Variants in CSGALNACT1 observed in about 807,000 individuals in gnomAD.
The protein encoded by CSGALNACT1 is chondroitin sulfate N-acetylgalactosaminyltransferase 1.
Under a neutral mutation model 51.0 loss-of-function variants are expected in CSGALNACT1, and 52 were observed. The observed-to-expected ratio is 1.02, with a 90% CI of 0.82 to 1.29. The LOEUF is 1.29. Ranked by LOEUF, CSGALNACT1 falls within the 50% of genes most tolerant of loss-of-function variation. The pLI, the probability that CSGALNACT1 is intolerant of heterozygous loss-of-function variation, is 0.00. For missense variants in CSGALNACT1, 935 were observed against 679.2 expected (o/e 1.38, Z -4.19); for synonymous variants, 341 against 254.4 (o/e 1.34, Z -3.24).
intron 1 of CSGALNACT1, among the ~76,000 whole-genome samples, chr8:19,671,817 T>C (rs2059815690): frequency 6.6e-6 from 1 of 152,142 alleles, no homozygotes; most frequent in Non-Finnish European, 1.5e-5. Context: ...GATCCTACTG[T>C]TTTATTGGCT....
intron 5 of CSGALNACT1, among the ~76,000 whole-genome samples, chr8:19,449,181 T>G (rs2062648206): frequency 6.6e-6 from 1 of 152,172 alleles, no homozygotes; most frequent in South Asian, 2.1e-4. Flanking sequence ...TTTTTTACTC[T>G]TGGATGGATG....
At chr8:19,503,547 C>G (rs375979486) in intron 4 of CSGALNACT1, among the ~76,000 whole-genome samples, 1 of 151,824 alleles carries the variant, frequency 6.6e-6, no homozygotes, top group Non-Finnish European at 1.5e-5. Flanking sequence ...TGTAGCACAC[C>G]CCAGGGAGAG....
chr8:19,692,386 C>G (rs898112472), intron 1 of CSGALNACT1, among the ~76,000 whole-genome samples: 2 of 152,152 alleles, frequency 1.3e-5, no homozygotes, highest in African/African-American at 4.8e-5. Flanking sequence ...AGCATAGTTA[C>G]CATTGTAACA....
intron 1 of CSGALNACT1, among the ~76,000 whole-genome samples, chr8:19,742,811 A>G (rs2064396410): frequency 6.6e-6 from 1 of 152,200 alleles, no homozygotes; most frequent in Non-Finnish European, 1.5e-5. Flanking sequence ...TCCAAATGTC[A>G]TCGTCTATCA....
At chr8:19,541,246 ATTTTTT>A (rs34749639) in intron 3 of CSGALNACT1, among the ~76,000 whole-genome samples, 2 of 111,320 alleles carry the variant, frequency 1.8e-5, no homozygotes, top group African/African-American at 3.7e-5. Flanking sequence ...AACTTGGCTA[ATTTTTT>A]TTTTTTTTTT....
intron 4 of CSGALNACT1, among the ~76,000 whole-genome samples, chr8:19,470,164 A>G (rs922242345): frequency 1.3e-5 from 2 of 152,198 alleles, no homozygotes; most frequent in African/African-American, 4.8e-5. Context: ...ACTTGGTATC[A>G]GACAAAGAAG....
At chr8:19,680,245 A>G (rs2060495587) in intron 1 of CSGALNACT1, among the ~76,000 whole-genome samples, 1 of 152,212 alleles carries the variant, frequency 6.6e-6, no homozygotes, top group Non-Finnish European at 1.5e-5. Flanking sequence ...AAAATTAAAA[A>G]GACAAAAATT....
intron 1 of CSGALNACT1, among the ~76,000 whole-genome samples, chr8:19,609,268 T>C (rs976584988): frequency 8.6e-5 from 13 of 150,446 alleles, no homozygotes; most frequent in Non-Finnish European, 1.2e-4. Flanking sequence ...CTTATAGATG[T>C]CATTTAAAAA....
intron 1 of CSGALNACT1, among the ~76,000 whole-genome samples, chr8:19,671,979 T>C (rs970662969): frequency 1.3e-5 from 2 of 152,226 alleles, no homozygotes; most frequent in Admixed American, 6.5e-5. Flanking sequence ...AGTTAGATGT[T>C]TTTTAAAAAA....
intron 5 of CSGALNACT1, among the ~76,000 whole-genome samples, chr8:19,440,198 C>A (rs1345006194): frequency 6.6e-6 from 1 of 152,190 alleles, no homozygotes; most frequent in East Asian, 1.9e-4. Flanking sequence ...CTGCCACAGT[C>A]CTAGCCCACC....
intron 4 of CSGALNACT1, among the ~76,000 whole-genome samples, chr8:19,463,437 A>G (rs1403154967): frequency 6.6e-6 from 1 of 152,148 alleles, no homozygotes; most frequent in Non-Finnish European, 1.5e-5. Context: ...GACGACACCT[A>G]AAAAAATCCT....
Position 19,541,553 on chromosome 8 carries a change from A to ATTTTTTTTTTTTTTTTTTTTTTTTTTTTT in CSGALNACT1, c.-296-35424_-296-35423insAAAAAAAAAAAAAAAAAAAAAAAAAAAAA, listed in dbSNP as rs1159626193. Among the ~76,000 whole-genome samples, 6 of 70,096 alleles carry ATTTTTTTTTTTTTTTTTTTTTTTTTTTTT rather than the reference A, an allele frequency of 8.6e-5. 1 individual carries two copies. In the East Asian group the frequency reaches 1.3e-3, roughly 15 times the overall value. The allele number at this position is 70,096 out of a possible 152,430, so 46.0% of individuals were successfully genotyped here. A position where few individuals can be genotyped will look rare whatever the true frequency, so the allele number is the denominator to read the frequency against. ...AGGTGTGAGCCACCGTGCTCAGCCA[A>ATTTTTTTTTTTTTTTTTTTTTTTTTTTTT]TTTTTTTTTTTTTTTTTTTTTTTTT... On this transcript the variant is annotated intron_variant, in intron 3 of 9. Coordinates refer to ENST00000454498, the Ensembl canonical transcript of CSGALNACT1.
At chr8:19,432,613 C>CT (rs910302622) in intron 6 of CSGALNACT1, among the ~76,000 whole-genome samples, 2 of 151,460 alleles carry the variant, frequency 1.3e-5, no homozygotes, top group Non-Finnish European at 2.9e-5. Flanking sequence ...TTTCTTCATT[C>CT]TTTTTTCTGT....
At chr8:19,492,440 G>C (rs555186589) in intron 4 of CSGALNACT1, among the ~76,000 whole-genome samples, 1 of 152,278 alleles carries the variant, frequency 6.6e-6, no homozygotes, top group South Asian at 2.1e-4. Flanking sequence ...CTGATCTCCT[G>C]ATTCAGAAGG....
chr8:19,533,276 C>T (rs1039590580), intron 3 of CSGALNACT1, among the ~76,000 whole-genome samples: 1 of 151,960 alleles, frequency 6.6e-6, no homozygotes, highest in African/African-American at 2.4e-5. Flanking sequence ...ACCACCACAC[C>T]TAGCTAATTT....
intron 3 of CSGALNACT1, among the ~76,000 whole-genome samples, chr8:19,589,469 G>A (rs1032673174): frequency 6.6e-6 from 1 of 152,084 alleles, no homozygotes; most frequent in East Asian, 1.9e-4. Flanking sequence ...GGTACTACGG[G>A]AGTGCACCAC....
chr8:19,698,961 A>T (rs2061720319), intron 1 of CSGALNACT1, among the ~76,000 whole-genome samples: 1 of 152,200 alleles, frequency 6.6e-6, no homozygotes, highest in Non-Finnish European at 1.5e-5. Flanking sequence ...TATTTTTTAA[A>T]CATCTCTAGA....
chr8:19,717,508 G>A (rs2062875152), intron 1 of CSGALNACT1, among the ~76,000 whole-genome samples: 1 of 152,184 alleles, frequency 6.6e-6, no homozygotes, highest in Admixed American at 6.5e-5. Context: ...TACAGGTTTT[G>A]ACAAATGCAA....
intron 1 of CSGALNACT1, chr8:19,641,742 A>C (rs2056769517): frequency 6.6e-6 from 1 of 152,210 alleles, no homozygotes; most frequent in South Asian, 2.1e-4. Context: ...TAATGTACAG[A>C]AGAGGCAGAA....
Sources: allele counts gnomAD v4.1 joint callset (sites outside exome capture counted in the v4.1 genomes callset), GRCh38; gene constraint gnomAD v4.1.1; transcripts MANE v1.5; gene names NCBI Gene and HGNC (gene_info 2026-07-23, HGNC 2026-07-21).